LY86: variants seen among roughly 807,000 people sequenced by gnomAD.
The protein encoded by LY86 is MD-1, RP105-associated.
In LY86, 20 loss-of-function variants were observed where a neutral mutation model predicts 17.3. That is an observed-to-expected ratio of 1.15 (90% CI 0.81 to 1.68). The LOEUF (loss-of-function observed/expected upper bound fraction) is 1.68. Ranked by LOEUF, LY86 falls within the 40% of genes most tolerant of loss-of-function variation. The probability of loss-of-function intolerance (pLI) is 0.00; values close to 1 mark genes in which losing one functional copy is unlikely to be tolerated. For synonymous variants in LY86, 74 were observed against 70.6 expected (o/e 1.05, Z -0.24); for missense variants, 200 against 191.9 (o/e 1.04, Z -0.25).
At chr6:6,628,334 C>T (rs1273392739) in intron 3 of LY86, among the ~76,000 whole-genome samples, 2 of 148,082 alleles carry the variant, frequency 1.4e-5, no homozygotes, top group Admixed American at 6.8e-5. Context: ...CCCATCCCTC[C>T]CTCCCTTCCT....
chr6:6,641,396 C>G (rs1038235140), intron 3 of LY86, among the ~76,000 whole-genome samples: 1 of 152,192 alleles, frequency 6.6e-6, no homozygotes, highest in African/African-American at 2.4e-5. Context: ...CACCGTGCCC[C>G]CCTCCTGCTT....
At chr6:6,605,281 GTTT>G (rs200212593) in intron 1 of LY86, among the ~76,000 whole-genome samples, 4 of 74,470 alleles carry the variant, frequency 5.4e-5, no homozygotes, top group African/African-American at 1.2e-4. Flanking sequence ...TCACCTCACA[GTTT>G]TTTTCCTCTG....
At chr6:6,635,438 ACTCT>A (rs1309134493) in intron 3 of LY86, among the ~76,000 whole-genome samples, 1 of 150,342 alleles carries the variant, frequency 6.7e-6, no homozygotes, top group Non-Finnish European at 1.5e-5. Flanking sequence ...TTTCTCTCTC[ACTCT>A]CTCTCTCCCT....
chr6:6,614,226 A>C (rs1761489630), intron 1 of LY86, among the ~76,000 whole-genome samples: 1 of 152,196 alleles, frequency 6.6e-6, no homozygotes, highest in Admixed American at 6.5e-5. Context: ...CAGAAGAACC[A>C]CACCCAAAAT....
chr6:6,632,346 A>G lies in LY86; in HGVS notation c.352+5925A>G, dbSNP rs374451915. ...GGCCATTACATTTCTCTATTTCTCAATTACTGCATCTATCAAATGAGAGTG... is the reference window on the plus strand; with the variant it reads ...GGCCATTACATTTCTCTATTTCTCAGTTACTGCATCTATCAAATGAGAGTG... On this transcript the variant is annotated intron_variant, in intron 3 of 4. Transcript: ENST00000230568. 7.9e-5 allele frequency among the ~76,000 whole-genome samples: 12 copies of G among 152,236 alleles called. 1 individual carries two copies. The East Asian group carries it at 1.3e-3, about 17-fold the overall frequency.
chr6:6,635,493 C>T (rs1231179558), intron 3 of LY86, among the ~76,000 whole-genome samples: 1 of 152,142 alleles, frequency 6.6e-6, no homozygotes, highest in Admixed American at 6.5e-5. Context: ...TTTCAGGCCA[C>T]AGTTGACCAC....
rs1340501175 is a variant in LY86, at chr6:6,626,419, G to T, written c.350G>T (p.Gly117Val). The change falls in exon 3 of 5, where the codon GGA (glycine) becomes GTA (valine). Residue 117 changes from glycine (G) to valine (V), a missense_variant and splice_region_variant. Gly to Val is a moderately radical substitution (Grantham distance 109). Coordinates refer to ENST00000230568, the MANE Select transcript of LY86 (RefSeq NM_004271.4). Reference sequence around the variant, plus strand: ...TTTTCTTTCTGTGGAAGAAGGAAAGGAGGTAAGCCATCTGTCTTGCTCACT... The same window carrying T: ...TTTTCTTTCTGTGGAAGAAGGAAAGTAGGTAAGCCATCTGTCTTGCTCACT... ...PKFSFCGRRK[G>V]EQIYYAGPVN... The T allele has an allele frequency of 3.1e-6, 5 of 1,613,704 alleles. No individual in the cohort carries two copies. Among genetic ancestry groups the T allele is most frequent in the South Asian group, 1.1e-5 (1 of 91,082 alleles).
intron 1 of LY86, among the ~76,000 whole-genome samples, chr6:6,624,568 T>C (rs1406225603): frequency 2.0e-5 from 3 of 152,202 alleles, no homozygotes; most frequent in Non-Finnish European, 2.9e-5. Flanking sequence ...CTTTATTAAA[T>C]CCGCTATGCA....
intron 1 of LY86, among the ~76,000 whole-genome samples, chr6:6,622,355 G>C (rs1761700834): frequency 6.6e-6 from 1 of 152,130 alleles, no homozygotes; most frequent in African/African-American, 2.4e-5. Context: ...TATTTTGCCT[G>C]GATAGCAACT....
intron 1 of LY86, among the ~76,000 whole-genome samples, chr6:6,598,856 G>A (rs990020172): frequency 7.2e-5 from 11 of 152,184 alleles, no homozygotes; most frequent in African/African-American, 2.7e-4. Context: ...CATGGTCAAG[G>A]TTAATCCTTA....
At chr6:6,636,162 C>T (rs976235360) in intron 3 of LY86, among the ~76,000 whole-genome samples, 5 of 152,298 alleles carry the variant, frequency 3.3e-5, no homozygotes, top group African/African-American at 1.2e-4. Context: ...GCCCAGGGAC[C>T]ACACTTTGAG....
At chr6:6,603,614 A>AG (rs1760990579) in intron 1 of LY86, among the ~76,000 whole-genome samples, 1 of 121,730 alleles carries the variant, frequency 8.2e-6, no homozygotes, top group Non-Finnish European at 1.8e-5. Context: ...AGAAAAAAAA[A>AG]CAAACAAAAA....
At chr6:6,646,423 G>A (rs2113162133) in intron 3 of LY86, among the ~76,000 whole-genome samples, 1 of 152,278 alleles carries the variant, frequency 6.6e-6, no homozygotes. Context: ...CAATACTGAT[G>A]TGGATGGCCC....
chr6:6,588,842 C>A lies in LY86; in HGVS notation c.108C>A (p.Ser36Arg). 6.2e-7 allele frequency: 1 copy of A among 1,614,050 alleles called. No individual in the cohort carries two copies. Among genetic ancestry groups the A allele is most frequent in the Non-Finnish European group, 8.5e-7 (1 of 1,179,976 alleles). Residue 36 changes from serine to arginine, a missense_variant, in exon 1 of 5, where the codon AGC becomes AGA. Coordinates refer to ENST00000230568, the MANE Select transcript of LY86 (RefSeq NM_004271.4). ...CCACACACGTGGTCTGTAGCGACAGCGGCTTGGAAGTGCTCTACCAGAGTT... is the reference window on the plus strand; with the variant it reads ...CCACACACGTGGTCTGTAGCGACAGAGGCTTGGAAGTGCTCTACCAGAGTT... Reference protein sequence around the residue: ...AWPTHVVCSDSGLEVLYQSCD... With the variant: ...AWPTHVVCSDRGLEVLYQSCD...
Position 6,653,191 on chromosome 6 carries a change from T to C in LY86, c.406-1353T>C, listed in dbSNP as rs534486331. 2.6e-5 allele frequency among the ~76,000 whole-genome samples: 4 copies of C among 152,310 alleles called. No homozygotes were observed. In the South Asian group the frequency reaches 8.3e-4, roughly 32 times the overall value. On this transcript the variant is annotated intron_variant, in intron 4 of 4. Coordinates refer to ENST00000230568, the MANE Select transcript of LY86 (RefSeq NM_004271.4). ...GGTTCTCTTGAATACAATTTCAGTG[T>C]TGGGGACTCCACTCTCTTTGGAAGC...
At chr6:6,605,145 G>A (rs1380646214) in intron 1 of LY86, among the ~76,000 whole-genome samples, 2 of 152,098 alleles carry the variant, frequency 1.3e-5, no homozygotes, top group Middle Eastern at 3.4e-3. Flanking sequence ...GACAAGCAAA[G>A]TAGCAACTTT....
At chr6:6,620,445 GGCC>G (rs1761646689) in intron 1 of LY86, among the ~76,000 whole-genome samples, 1 of 152,226 alleles carries the variant, frequency 6.6e-6, no homozygotes. Flanking sequence ...GCAACGCAGA[GGCC>G]ACAGGGGGCG....
At chr6:6,606,014 A>C (rs983145185) in intron 1 of LY86, among the ~76,000 whole-genome samples, 1 of 152,188 alleles carries the variant, frequency 6.6e-6, no homozygotes, top group Non-Finnish European at 1.5e-5. Context: ...CAAAAGAACA[A>C]AACTTCCACA....
intron 1 of LY86, chr6:6,591,334 G>C (rs372909385): frequency 1.0e-3 from 159 of 153,946 alleles, no homozygotes; most frequent in African/African-American, 3.6e-3. Context: ...ATAAGAGATG[G>C]AAGAGATGCA....
Sources: allele counts gnomAD v4.1 joint callset (sites outside exome capture counted in the v4.1 genomes callset), GRCh38; gene constraint gnomAD v4.1.1; transcripts MANE v1.5; gene names NCBI Gene and HGNC (gene_info 2026-07-23, HGNC 2026-07-21).